Variants in QTMAN observed in about 807,000 individuals in gnomAD.
The protein encoded by QTMAN is queuosine-tRNA mannosyltransferase.
chr2:144,323,578 A>G, the QTMAN span, among the ~76,000 whole-genome samples: 2 of 152,282 alleles, frequency 1.3e-5, no homozygotes, highest in Admixed American at 1.3e-4. Context: ...TTTTTACCTC[A>G]TGGACACTCC....
the QTMAN span, among the ~76,000 whole-genome samples, chr2:144,267,771 AAG>A: frequency 3.3e-5 from 5 of 152,144 alleles, no homozygotes; most frequent in African/African-American, 7.2e-5. Flanking sequence ...GAAAGACAAA[AAG>A]AGAGAGAGGT....
the QTMAN span, among the ~76,000 whole-genome samples, chr2:144,302,870 G>GC: frequency 3.9e-5 from 6 of 152,208 alleles, no homozygotes; most frequent in African/African-American, 1.4e-4. Context: ...GGAGGCCGAG[G>GC]CGGGGGGGAT....
At chr2:144,332,569 C>A in the QTMAN span, 3 of 148,996 alleles carry the variant, frequency 2.0e-5, no homozygotes, top group East Asian at 5.8e-4. Flanking sequence ...GCGGCCGCCT[C>A]GGCCTCCGGG....
the QTMAN span, among the ~76,000 whole-genome samples, chr2:144,115,850 A>G: frequency 6.6e-6 from 1 of 152,192 alleles, no homozygotes; most frequent in African/African-American, 2.4e-5. Flanking sequence ...TAATAAATGC[A>G]AGCAAATGGT....
chr2:144,259,338 T>C, the QTMAN span, among the ~76,000 whole-genome samples: 1 of 152,150 alleles, frequency 6.6e-6, no homozygotes, highest in Non-Finnish European at 1.5e-5. Context: ...TTTGTACTTT[T>C]GGTAGAGACG....
the QTMAN span, among the ~76,000 whole-genome samples, chr2:144,331,965 T>C: frequency 6.6e-6 from 1 of 152,122 alleles, no homozygotes; most frequent in Non-Finnish European, 1.5e-5. Flanking sequence ...CCGGGCAGCC[T>C]GGTGGTCGGC....
At chr2:144,132,575 G>A in the QTMAN span, among the ~76,000 whole-genome samples, 2 of 152,026 alleles carry the variant, frequency 1.3e-5, no homozygotes, top group Non-Finnish European at 2.9e-5. Context: ...GACCTTTCAT[G>A]TCACATGACA....
chr2:143,961,210 C>T, the QTMAN span, among the ~76,000 whole-genome samples: 83 of 152,254 alleles, frequency 5.5e-4, no homozygotes, highest in African/African-American at 1.9e-3. Flanking sequence ...GATATTCATA[C>T]TCATTCCCTG....
chr2:144,132,600 C>A, the QTMAN span, among the ~76,000 whole-genome samples: 1 of 152,028 alleles, frequency 6.6e-6, no homozygotes, highest in Non-Finnish European at 1.5e-5. Context: ...ACTCACATTG[C>A]TAAGTTACAA....
At chr2:143,998,722 T>C in the QTMAN span, among the ~76,000 whole-genome samples, 1 of 152,184 alleles carries the variant, frequency 6.6e-6, no homozygotes, top group East Asian at 1.9e-4. Context: ...AACTTAGAAA[T>C]TACTTTGGTT....
the QTMAN span, among the ~76,000 whole-genome samples, chr2:143,951,545 A>G: frequency 1.3e-5 from 2 of 151,544 alleles, no homozygotes; most frequent in African/African-American, 4.8e-5. Flanking sequence ...AAGTAGTTCA[A>G]AAATGAACAC....
chr2:144,320,849 T>A, the QTMAN span, among the ~76,000 whole-genome samples: 72 of 152,266 alleles, frequency 4.7e-4, 1 homozygote, highest in South Asian at 9.1e-3. Context: ...ATTCCAACAC[T>A]CCTCTTGGCT....
At chr2:144,332,725 G>C in the QTMAN span, among the ~76,000 whole-genome samples, 139 of 151,930 alleles carry the variant, frequency 9.1e-4, no homozygotes, top group African/African-American at 3.3e-3. Flanking sequence ...CCGCGGGCTC[G>C]GCTCCTCGCA....
At chr2:144,249,652 G>A in the QTMAN span, among the ~76,000 whole-genome samples, 1 of 152,108 alleles carries the variant, frequency 6.6e-6, no homozygotes, top group Non-Finnish European at 1.5e-5. Flanking sequence ...AAACAAGGAG[G>A]GAGGTAACTG....
the QTMAN span, among the ~76,000 whole-genome samples, chr2:144,206,092 C>T: frequency 6.6e-6 from 1 of 152,124 alleles, no homozygotes; most frequent in East Asian, 1.9e-4. Flanking sequence ...TAATAAAATA[C>T]TTTTCAGAGA....
chr2:144,025,939 A>G, the QTMAN span, among the ~76,000 whole-genome samples: 1 of 149,288 alleles, frequency 6.7e-6, no homozygotes, highest in African/African-American at 2.5e-5. Context: ...GAGTCGTTTT[A>G]GTTTCCCTTC....
the QTMAN span, among the ~76,000 whole-genome samples, chr2:144,109,435 TA>T: frequency 6.6e-6 from 1 of 152,052 alleles, no homozygotes; most frequent in Admixed American, 6.6e-5. Flanking sequence ...CTAAAAACCA[TA>T]AAAACCCTAG....
the QTMAN span, among the ~76,000 whole-genome samples, chr2:144,083,914 C>G: frequency 1.3e-5 from 2 of 152,160 alleles, no homozygotes; most frequent in African/African-American, 4.8e-5. Context: ...GCATATTTTT[C>G]AATTTCACAT....
chr2:144,248,476 A>G, the QTMAN span, among the ~76,000 whole-genome samples: 1 of 152,222 alleles, frequency 6.6e-6, no homozygotes, highest in East Asian at 1.9e-4. Flanking sequence ...GGCGCTATTT[A>G]AATAGCGTCA....
Sources: gnomAD v4.1 joint callset for allele counts (sites outside exome capture counted in the v4.1 genomes callset) on GRCh38, gnomAD v4.1.1 for gene constraint, MANE v1.5 for transcripts, NCBI Gene and HGNC (gene_info 2026-07-23, HGNC 2026-07-21) for gene names.